Variants in EGFL6 observed in about 807,000 individuals in gnomAD.
EGFL6 encodes epidermal growth factor-like protein 6.
Under a neutral mutation model 43.1 loss-of-function variants are expected in EGFL6, and 42 were observed. The observed-to-expected ratio is 0.98, with a 90% confidence interval of 0.76 to 1.26. The LOEUF is 1.26. EGFL6 is among the 50% of genes most tolerant of loss of function. The probability of loss-of-function intolerance (pLI) is 0.00; values close to 1 mark genes in which losing one functional copy is unlikely to be tolerated. For missense variants in EGFL6, 429 were observed against 427.8 expected, an observed-to-expected ratio of 1.00 and a Z score of -0.02; for synonymous variants, 164 against 163.2, an observed-to-expected ratio of 1.01 and a Z score of -0.04.
chrX:13,574,821 C>A, intron 1 of EGFL6: 1 of 122,646 alleles, frequency 8.2e-6, no homozygotes, highest in South Asian at 2.6e-4. Flanking sequence ...CAAGAAGACT[C>A]TGAAGATGAT....
intron 1 of EGFL6, among the ~76,000 whole-genome samples, chrX:13,585,611 T>C (rs1230840232): frequency 9.0e-6 from 1 of 111,311 alleles, no homozygotes; most frequent in Non-Finnish European, 1.9e-5. Context: ...CCTATTGTGA[T>C]TGGGGAGCAT....
intron 7 of EGFL6, among the ~76,000 whole-genome samples, chrX:13,616,993 C>T (rs923762364): frequency 1.8e-5 from 2 of 110,790 alleles, no homozygotes; most frequent in Non-Finnish European, 3.8e-5. Context: ...CCTCAGCCTC[C>T]CGAGTAGCTG....
chrX:13,632,297 G>GTTTTTTT (rs1158372735), intron 11 of EGFL6, among the ~76,000 whole-genome samples: 2 of 81,177 alleles, frequency 2.5e-5, no homozygotes, highest in African/African-American at 5.3e-5. Context: ...TTGTTTTTTG[G>GTTTTTTT]TTTTTTTTTT....
rs376106150 is a variant in EGFL6, at chrX:13,597,120, T to G, written c.280+2192T>G. 8.0e-5 allele frequency among the ~76,000 whole-genome samples: 9 copies of G among 111,814 alleles called. No individual in the cohort carries two copies. The South Asian group carries it at 1.5e-3, about 19-fold the overall frequency. On this transcript the variant is annotated intron_variant, in intron 3 of 11. Coordinates refer to ENST00000361306, the MANE Select transcript of EGFL6 (RefSeq NM_015507.4). ...AAACATCCTGCAGTGCACAGGACAGTCCCCACAACAAATAATGATTTGTGT... is the reference window on the plus strand; with the variant it reads ...AAACATCCTGCAGTGCACAGGACAGGCCCCACAACAAATAATGATTTGTGT...
rs770205333 is a variant in EGFL6, at chrX:13,605,616, T to G, written c.521-763T>G. 2.7e-3 allele frequency among the ~76,000 whole-genome samples: 288 copies of G among 108,451 alleles called. 1 individual carries two copies. Among genetic ancestry groups the G allele is most frequent in the Non-Finnish European group, 4.7e-3 (245 of 52,343 alleles). 94.2% of individuals were successfully genotyped at this position (108,451 alleles called of 115,157 possible). On this transcript the variant is annotated intron_variant, in intron 5 of 11. Coordinates refer to ENST00000361306, the MANE Select transcript of EGFL6 (RefSeq NM_015507.4). ...AAAAAAAAGATTGCAAGGGAAATAG[T>G]AAGACAACATCAACTTGCCGGTTTA...
intron 2 of EGFL6, among the ~76,000 whole-genome samples, chrX:13,591,763 T>G (rs1235074682): frequency 9.0e-6 from 1 of 111,194 alleles, no homozygotes; most frequent in Non-Finnish European, 1.9e-5. Flanking sequence ...AAGCCCTGCC[T>G]CTATGTATCC....
At chrX:13,592,707 G>A (rs935612783) in intron 2 of EGFL6, among the ~76,000 whole-genome samples, 8 of 110,022 alleles carry the variant, frequency 7.3e-5, no homozygotes, top group Non-Finnish European at 1.5e-4. Flanking sequence ...TTAGAAGAAG[G>A]GGCCATGCAA....
intron 6 of EGFL6, 131 bp from the exon 7 acceptor site, chrX:13,608,191 CCT>C: frequency 1.2e-6 from 1 of 825,101 alleles, no homozygotes; most frequent in Non-Finnish European, 1.7e-6. Context: ...GTTCTGAACA[CCT>C]CTCAGTTCTC....
intron 7 of EGFL6, among the ~76,000 whole-genome samples, chrX:13,617,424 C>T (rs1319943146): frequency 1.8e-5 from 2 of 112,228 alleles, no homozygotes; most frequent in South Asian, 7.3e-4. Context: ...AAATATTAGA[C>T]GAACATGGCA....
At chrX:13,597,751 T>C (rs1484094318) in intron 3 of EGFL6, among the ~76,000 whole-genome samples, 1 of 110,457 alleles carries the variant, frequency 9.1e-6, no homozygotes, top group Non-Finnish European at 1.9e-5. Flanking sequence ...GCCACTGCAC[T>C]GCAGCCTGGG....
chrX:13,572,649 CTGTTTTA>C (rs1475000824), intron 1 of EGFL6, among the ~76,000 whole-genome samples: 1 of 111,666 alleles, frequency 9.0e-6, no homozygotes, highest in Non-Finnish European at 1.9e-5. Flanking sequence ...CAACATATTT[CTGTTTTA>C]TATTTTTTTC....
At position 13,597,600 on chromosome X, in the gene EGFL6, A is replaced by G. The variant is rs142308496; in HGVS notation, c.281-2375A>G. Among the ~76,000 whole-genome samples the G allele has an allele frequency of 4.7e-3, 528 of 111,646 alleles. 1 individual carries two copies. Among genetic ancestry groups the G allele is most frequent in the Non-Finnish European group, 8.0e-3 (427 of 53,060 alleles). The stretch of plus-strand genomic sequence containing the variant: ...AGAGTTTGAGACCAGCCTGGCCAAC[A>G]TGGCAAAACCCCATCTCTACTAAAA... On this transcript the variant is annotated intron_variant, in intron 3 of 11. Transcript: ENST00000361306.
At chrX:13,591,361 G>A (rs1220810532) in intron 2 of EGFL6, among the ~76,000 whole-genome samples, 2 of 111,478 alleles carry the variant, frequency 1.8e-5, no homozygotes, top group African/African-American at 3.3e-5. Flanking sequence ...ATAAATGAAG[G>A]CAAGGTGTTA....
chrX:13,611,339 G>A (rs2045687786), intron 7 of EGFL6, among the ~76,000 whole-genome samples: 1 of 111,784 alleles, frequency 8.9e-6, no homozygotes, highest in Admixed American at 9.5e-5. Context: ...ATTTCAATCA[G>A]CTGTTTGTTA....
chrX:13,598,502 G>C (rs1428258119), intron 3 of EGFL6, among the ~76,000 whole-genome samples: 1 of 110,831 alleles, frequency 9.0e-6, no homozygotes, highest in Admixed American at 9.6e-5. Flanking sequence ...CCTTTTTAAA[G>C]TTCTATTTTC....
chrX:13,623,378 T>TTTTTTTTG (rs1491224485), intron 9 of EGFL6, among the ~76,000 whole-genome samples: 2 of 46,124 alleles, frequency 4.3e-5, no homozygotes, highest in African/African-American at 2.5e-4. Context: ...TTATTTTGGG[T>TTTTTTTTG]TTTTTTTTTT....
rs1362963613 is a variant in EGFL6 at position 13,569,966 on chromosome X, C to T, written c.74+31C>T. 4.2e-6 allele frequency: 5 copies of T among 1,195,049 alleles called. No individual in the cohort carries two copies. The East Asian group carries it at 1.5e-4, about 35-fold the overall frequency. On this transcript the variant is annotated intron_variant, in intron 1 of 11. Coordinates refer to ENST00000361306, the MANE Select transcript of EGFL6 (RefSeq NM_015507.4). ...TGTCTGACTGGCGATTGGCTTCCCC[C>T]CACCCCCGGCCTGAGGTCCCGCTTT...
intron 9 of EGFL6, among the ~76,000 whole-genome samples, chrX:13,623,200 A>C (rs2045757448): frequency 9.2e-6 from 1 of 109,001 alleles, no homozygotes; most frequent in Non-Finnish European, 1.9e-5. Context: ...AAAAAAAAGA[A>C]AAAGAAAGTA....
chrX:13,632,917 A>T, intron 11 of EGFL6, 68 bp from the exon 12 acceptor site: 1 of 997,053 alleles, frequency 1.0e-6, no homozygotes, highest in Non-Finnish European at 1.4e-6. Context: ...AATAGCTATT[A>T]AATAGCTTGA....
Sources: gnomAD v4.1 joint callset for allele counts (sites outside exome capture counted in the v4.1 genomes callset) on GRCh38, gnomAD v4.1.1 for gene constraint, MANE v1.5 for transcripts, NCBI Gene and HGNC (gene_info 2026-07-23, HGNC 2026-07-21) for gene names.